TUB: variants seen among roughly 807,000 people sequenced by gnomAD.
TUB encodes the protein TUB bipartite transcription factor.
TUB carries 33 observed loss-of-function variants against 59.7 expected under a neutral mutation model. The ratio of observed to expected loss-of-function variants is 0.55; its 90% CI spans 0.42 to 0.74. The LOEUF is 0.74. TUB is among the 30% of genes least tolerant of loss of function. The pLI is 0.00. For missense variants in TUB, 659 were observed against 672.0 expected, an observed-to-expected ratio of 0.98 and a Z score of 0.21; for synonymous variants, 293 against 256.4, an observed-to-expected ratio of 1.14 and a Z score of -1.36.
In TUB at chr11:8,095,505, C is replaced by T. The variant is rs776168096; in HGVS notation, c.405C>T (p.Ser135=). 5.0e-6 allele frequency: 8 copies of T among 1,608,436 alleles called. No homozygotes were observed. Among genetic ancestry groups the T allele is most frequent in the South Asian group, 1.1e-5 (1 of 90,798 alleles). The change falls in exon 5 of 12, where the codon AGC becomes AGT. Residue 135 remains serine, a synonymous_variant. Coordinates refer to ENST00000299506, the MANE Select transcript of TUB (RefSeq NM_177972.3). ...CGTGTCCGTGGCCTGCAGGCACCAG[C>T]GGGCCAGCAGCACTGGCAGAAGACA... ...KEKKGKHKGT[S]GPAALAEDKS...
At chr11:8,019,476 G>C in intron 1 of TUB, 2 of 1,070,694 alleles carry the variant, frequency 1.9e-6, no homozygotes, top group East Asian at 3.4e-5. Flanking sequence ...GGGTGGGCTT[G>C]GGCACCCGGA....
chr11:8,040,823 G>C (rs1942738229), intron 2 of TUB, among the ~76,000 whole-genome samples: 5 of 152,170 alleles, frequency 3.3e-5, no homozygotes, highest in Non-Finnish European at 7.4e-5. Context: ...GGTGTATTTT[G>C]AGTGATATAA....
At chr11:8,043,407 C>T (rs574500236) in intron 2 of TUB, among the ~76,000 whole-genome samples, 1 of 152,182 alleles carries the variant, frequency 6.6e-6, no homozygotes, top group Admixed American at 6.5e-5. Flanking sequence ...TATTCTGTAT[C>T]CCTTAATTTT....
At chr11:8,045,828 A>G (rs1023511570) in intron 2 of TUB, among the ~76,000 whole-genome samples, 2 of 152,168 alleles carry the variant, frequency 1.3e-5, no homozygotes, top group African/African-American at 4.8e-5. Context: ...TGGCCTCACT[A>G]CTAAAGAGTG....
intron 10 of TUB, 47 bp from the exon 11 acceptor site, chr11:8,100,779 A>C (rs778725992): frequency 7.5e-6 from 12 of 1,606,914 alleles, no homozygotes; most frequent in Non-Finnish European, 1.0e-5. Flanking sequence ...TGGGGTGGTC[A>C]TGGTGCCAAA....
intron 2 of TUB, among the ~76,000 whole-genome samples, chr11:8,053,911 C>T (rs1313811594): frequency 1.3e-5 from 2 of 151,176 alleles, no homozygotes; most frequent in East Asian, 2.0e-4. Flanking sequence ...GTCAGGAGAT[C>T]GAGACCATCC....
chr11:8,103,673 T>A lies in TUB; in HGVS notation c.*2054T>A, dbSNP rs1398327966. 1.3e-5 allele frequency: 2 copies of A among 152,658 alleles called. No homozygotes were observed. Among genetic ancestry groups the A allele is most frequent in the Non-Finnish European group, 2.9e-5 (2 of 68,046 alleles). The allele number at this position is 152,658 out of a possible 1,614,324, so 9.5% of individuals were successfully genotyped here. On this transcript the variant is annotated 3_prime_UTR_variant, in exon 12 of 12. Transcript: ENST00000299506. ...CTGGCGAGATACCATGGTGCCATCCTCCTTTCTATAGTTCCAGTTTAGCCC... is the reference window on the plus strand; with the variant it reads ...CTGGCGAGATACCATGGTGCCATCCACCTTTCTATAGTTCCAGTTTAGCCC...
At chr11:8,075,228 G>A (rs1051730020) in intron 2 of TUB, among the ~76,000 whole-genome samples, 4 of 152,070 alleles carry the variant, frequency 2.6e-5, no homozygotes, top group African/African-American at 9.7e-5. Flanking sequence ...TTTTGACTTC[G>A]TTTTCAATTT....
At chr11:8,045,343 CT>C (rs1942815285) in intron 2 of TUB, among the ~76,000 whole-genome samples, 1 of 152,186 alleles carries the variant, frequency 6.6e-6, no homozygotes, top group African/African-American at 2.4e-5. Context: ...TATATTTCTT[CT>C]TGTGTGCACT....
intron 2 of TUB, among the ~76,000 whole-genome samples, chr11:8,064,010 G>A (rs762129839): frequency 3.9e-5 from 6 of 152,246 alleles, no homozygotes; most frequent in African/African-American, 7.2e-5. Flanking sequence ...CCTCATAGGC[G>A]TCATTTGTCC....
At chr11:8,047,526 A>G (rs1942853819) in intron 2 of TUB, among the ~76,000 whole-genome samples, 1 of 152,166 alleles carries the variant, frequency 6.6e-6, no homozygotes, top group Non-Finnish European at 1.5e-5. Flanking sequence ...GCTGGTGGAA[A>G]TGAGATCCAA....
At position 8,104,648 on chromosome 11, in the gene TUB, G is replaced by A; in HGVS notation, c.*3029G>A. The A allele has an allele frequency of 6.6e-6, 1 of 152,204 alleles. No homozygotes were observed. The highest frequency in any genetic ancestry group is 1.5e-5 in the Non-Finnish European group (1 of 68,016). 9.4% of individuals were successfully genotyped at this position (152,204 alleles called of 1,614,324 possible). A position where few individuals can be genotyped will look rare whatever the true frequency, so the allele number is the denominator to read the frequency against. ...CTTTTTCTCTCAGGGTTCTGAGTCAGAGGACACCATCCAAGAATGTTGTTA... is the reference window on the plus strand; with the variant it reads ...CTTTTTCTCTCAGGGTTCTGAGTCAAAGGACACCATCCAAGAATGTTGTTA... On this transcript the variant is annotated 3_prime_UTR_variant, in exon 12 of 12. Transcript: ENST00000299506.
Position 8,073,672 on chromosome 11 carries a change from C to T in TUB, c.204-15938C>T, listed in dbSNP as rs1943395691. On this transcript the variant is annotated intron_variant, in intron 2 of 12. Coordinates refer to the TUB transcript ENST00000305253. ...AATAATGCTGGTGAAACAAACCCCT[C>T]CTGGAGGCTGAGCACAGGGGCCTGA... Among the ~76,000 whole-genome samples the T allele has an allele frequency of 2.0e-5, 3 of 152,222 alleles. No homozygotes were observed. In the South Asian group the frequency reaches 6.2e-4, roughly 31 times the overall value.
At chr11:8,022,482 A>G (rs1421489995) in intron 1 of TUB, among the ~76,000 whole-genome samples, 11 of 151,816 alleles carry the variant, frequency 7.2e-5, no homozygotes, top group Admixed American at 7.2e-4. Context: ...ACCCAAGTTG[A>G]CCTCTCCTCC....
At chr11:8,096,993 T>C (rs1944024590) in intron 6 of TUB, among the ~76,000 whole-genome samples, 187 bp downstream of exon 6, 1 of 152,084 alleles carries the variant, frequency 6.6e-6, no homozygotes, top group Non-Finnish European at 1.5e-5. Flanking sequence ...GGAGATGCAG[T>C]TGGACAGGAT....
At chr11:8,034,999 C>T (rs16935207), upstream of TUB, among the ~76,000 whole-genome samples, 2,037 of 152,322 alleles carry the variant, frequency 0.013, 59 homozygotes, top group African/African-American at 0.046. Context: ...GGCTCCTTGT[C>T]GCATGATGCG....
At chr11:8,059,852 G>A (rs1943088593) in intron 2 of TUB, among the ~76,000 whole-genome samples, 1 of 152,178 alleles carries the variant, frequency 6.6e-6, no homozygotes, top group Non-Finnish European at 1.5e-5. Flanking sequence ...GGAGCAGGCA[G>A]AACTGCAGTC....
In TUB at chr11:8,101,782, C is replaced by A; in HGVS notation, c.*163C>A. On this transcript the variant is annotated 3_prime_UTR_variant, in exon 12 of 12. Transcript: ENST00000299506. ...AGCCAGCCAGGAACTGGCTCCTTTG[C>A]CTCTGCTACTGAGGCAGGGGAGTAG... The A allele has an allele frequency of 7.7e-7, 1 of 1,302,594 alleles. No homozygotes were observed. Among genetic ancestry groups the A allele is most frequent in the Non-Finnish European group, 1.0e-6 (1 of 976,314 alleles). The allele number at this position is 1,302,594 out of a possible 1,614,324, so 80.7% of individuals were successfully genotyped here. A position where few individuals can be genotyped will look rare whatever the true frequency, so the allele number is the denominator to read the frequency against.
Position 8,094,304 on chromosome 11 carries a change from GAC to G in TUB, c.397+119_397+120del, listed in dbSNP as rs1017153798. The G allele has an allele frequency of 4.3e-5, 57 of 1,337,060 alleles. No individual in the cohort carries two copies. The African/African-American group carries it at 6.3e-4, about 15-fold the overall frequency. The allele number at this position is 1,337,060 out of a possible 1,614,324, so 82.8% of individuals were successfully genotyped here. A position where few individuals can be genotyped will look rare whatever the true frequency, so the allele number is the denominator to read the frequency against. ...GGATAGGATGAACAGCCTCAGGGAA[GAC>G]ACAGACTGCCACTCTGGGCACCCCC... On this transcript the variant is annotated intron_variant, in intron 4 of 11. Transcript: ENST00000299506.
Sources: gnomAD v4.1 joint callset for allele counts (sites outside exome capture counted in the v4.1 genomes callset) on GRCh38, gnomAD v4.1.1 for gene constraint, MANE v1.5 for transcripts, NCBI Gene and HGNC (gene_info 2026-07-23, HGNC 2026-07-21) for gene names.